DOCK9: variants seen among roughly 807,000 people sequenced by gnomAD.
DOCK9 encodes dedicator of cytokinesis 9.
In DOCK9, 89 loss-of-function variants were observed where a neutral mutation model predicts 263.3. That is an observed-to-expected ratio of 0.34 (90% CI 0.28 to 0.40). The LOEUF (loss-of-function observed/expected upper bound fraction) is 0.40. Among genes scored for constraint, DOCK9 ranks in the 10% least tolerant of loss-of-function variants. DOCK9 has a pLI of 1.00. For missense variants in DOCK9, 2,140 were observed against 2,603.4 expected (o/e 0.82, Z 3.87); for synonymous variants, 976 against 973.1 (o/e 1.00, Z -0.06).
chr13:98,860,603 T>A, intron 32 of DOCK9, 81 bp from the exon 33 acceptor site: 1 of 1,369,412 alleles, frequency 7.3e-7, no homozygotes. Context: ...CCAGGGCAAG[T>A]GCAGGACCAA....
intron 1 of DOCK9, among the ~76,000 whole-genome samples, chr13:98,966,305 A>C (rs895213853): frequency 1.3e-5 from 2 of 152,234 alleles, no homozygotes; most frequent in African/African-American, 4.8e-5. Flanking sequence ...CAGGCCAGGA[A>C]GGGTAAAAGG....
At chr13:98,966,842 G>A (rs1307788686) in intron 1 of DOCK9, among the ~76,000 whole-genome samples, 9 of 152,194 alleles carry the variant, frequency 5.9e-5, no homozygotes, top group African/African-American at 2.2e-4. Context: ...GCCAGAGGTG[G>A]TGACAGGTAT....
At chr13:98,980,367 G>T (rs183775514), upstream of DOCK9, among the ~76,000 whole-genome samples, 1 of 152,378 alleles carries the variant, frequency 6.6e-6, no homozygotes, top group East Asian at 1.9e-4. Context: ...TCATTTGACA[G>T]ATGAGGAAAC....
intron 1 of DOCK9, among the ~76,000 whole-genome samples, chr13:99,033,050 T>C (rs1887515614): frequency 6.6e-6 from 1 of 152,242 alleles, no homozygotes; most frequent in Non-Finnish European, 1.5e-5. Flanking sequence ...TTCCTTGTTA[T>C]GAAACCTTAA....
chr13:98,906,115 G>A (rs1325201250), intron 9 of DOCK9, among the ~76,000 whole-genome samples: 1 of 152,156 alleles, frequency 6.6e-6, no homozygotes, highest in African/African-American at 2.4e-5. Context: ...AGAGACGCCT[G>A]GGTAGAGATG....
intron 7 of DOCK9, among the ~76,000 whole-genome samples, chr13:98,916,217 T>C (rs1262904245): frequency 6.6e-6 from 1 of 152,210 alleles, no homozygotes; most frequent in Non-Finnish European, 1.5e-5. Flanking sequence ...AATTCTTTGT[T>C]GTGAGTGGCT....
At chr13:98,970,144 C>CCAA (rs1555433172) in intron 1 of DOCK9, among the ~76,000 whole-genome samples, 2 of 151,498 alleles carry the variant, frequency 1.3e-5, no homozygotes, top group African/African-American at 4.9e-5. Flanking sequence ...ACAGGTCTGC[C>CCAA]CCAAGCTGGG....
At chr13:98,812,235 A>C (rs2091378969) in intron 45 of DOCK9, among the ~76,000 whole-genome samples, 3 of 141,296 alleles carry the variant, frequency 2.1e-5, no homozygotes, top group Non-Finnish European at 4.5e-5. Context: ...GGTACTGAGT[A>C]CTCCACAGGG....
rs535752597 is a variant in DOCK9 at position 98,836,652 on chromosome 13, G to A, written c.4314+842C>T. Among the ~76,000 whole-genome samples the A allele has an allele frequency of 7.9e-5, 12 of 152,230 alleles. No homozygotes were observed. The East Asian group carries it at 2.1e-3, about 27-fold the overall frequency. On this transcript the variant is annotated intron_variant, in intron 39 of 52. Transcript: ENST00000682017. ...GTCTCTCAACTGGGCTCCTAGTAAT[G>A]AGTTTCATGGGGACAAGAGAGGGGT...
intron 1 of DOCK9, among the ~76,000 whole-genome samples, chr13:99,050,179 T>A (rs1452328423): frequency 6.6e-6 from 1 of 152,194 alleles, no homozygotes; most frequent in Non-Finnish European, 1.5e-5. Context: ...ACACATAGCA[T>A]GTGTAGTTTA....
At chr13:98,805,277 G>C in intron 48 of DOCK9, 68 bp from the exon 49 acceptor site, 1 of 1,338,856 alleles carries the variant, frequency 7.5e-7, no homozygotes, top group Non-Finnish European at 1.0e-6. Flanking sequence ...TTACCTACGT[G>C]GTATTTTCCA....
chr13:98,873,292 G>A (rs1173714521), intron 27 of DOCK9, among the ~76,000 whole-genome samples: 2 of 152,158 alleles, frequency 1.3e-5, no homozygotes, highest in East Asian at 3.8e-4. Context: ...CAGCAGATTG[G>A]TACTCACAAA....
chr13:98,850,838 C>T (rs1237812742), intron 35 of DOCK9, among the ~76,000 whole-genome samples: 1 of 152,164 alleles, frequency 6.6e-6, no homozygotes, highest in Non-Finnish European at 1.5e-5. Context: ...TTAGTATTAC[C>T]ATCGTTTGAG....
At chr13:98,938,886 A>C (rs1340612113) in intron 2 of DOCK9, among the ~76,000 whole-genome samples, 3 of 152,236 alleles carry the variant, frequency 2.0e-5, no homozygotes, top group Non-Finnish European at 4.4e-5. Flanking sequence ...GCAATGAGCT[A>C]AAGACAATCT....
At chr13:99,064,743 G>A (rs2041342804) in intron 1 of DOCK9, among the ~76,000 whole-genome samples, 1 of 152,172 alleles carries the variant, frequency 6.6e-6, no homozygotes, top group African/African-American at 2.4e-5. Context: ...TGAAGACAGT[G>A]GTGGAGAAGA....
rs529875637 is a variant in DOCK9 at position 98,874,139 on chromosome 13, G to T, written c.2943+5759C>A. Among the ~76,000 whole-genome samples the T allele has an allele frequency of 3.3e-5, 5 of 152,308 alleles. No individual in the cohort carries two copies. In the East Asian group the frequency reaches 7.7e-4, roughly 24 times the overall value. The stretch of plus-strand genomic sequence containing the variant: ...GTCAAGAAGAGAAAGTACATCTGTT[G>T]TCCCCATCCCCACCTCCAGTCCTGG... On this transcript the variant is annotated intron_variant, in intron 27 of 52. Coordinates refer to ENST00000682017, the MANE Select transcript of DOCK9 (RefSeq NM_001366683.2).
upstream of DOCK9, among the ~76,000 whole-genome samples, chr13:98,978,983 G>T (rs924494518): frequency 5.3e-5 from 8 of 152,072 alleles, no homozygotes. Context: ...GGTATTAAGG[G>T]ATTTGTCTAA....
intron 1 of DOCK9, among the ~76,000 whole-genome samples, chr13:98,970,306 T>G (rs2059610168): frequency 6.6e-6 from 1 of 152,122 alleles, no homozygotes; most frequent in Non-Finnish European, 1.5e-5. Context: ...CCCGTCTCTG[T>G]TTTAGAAAGA....
intron 49 of DOCK9, 138 bp downstream of exon 49, chr13:98,804,861 A>G (rs2090506746): frequency 2.6e-6 from 2 of 770,878 alleles, no homozygotes; most frequent in Non-Finnish European, 4.1e-6. Context: ...GCACTAGATA[A>G]ATGTGAAACT....
Sources: allele counts gnomAD v4.1 joint callset (sites outside exome capture counted in the v4.1 genomes callset), GRCh38; gene constraint gnomAD v4.1.1; transcripts MANE v1.5; gene names NCBI Gene and HGNC (gene_info 2026-07-23, HGNC 2026-07-21).